The following DHCR7 variants were observed in gnomAD, a reference collection of about 807,000 sequenced individuals.
DHCR7 encodes the protein 7-DHC reductase.
Under a neutral mutation model 43.3 loss-of-function variants are expected in DHCR7, and 40 were observed. That is an observed-to-expected ratio of 0.92 (90% CI 0.72 to 1.20). The LOEUF is 1.20. DHCR7 is among the 50% of genes most tolerant of loss of function. DHCR7 has a pLI of 0.00. For synonymous variants in DHCR7, 298 were observed against 271.4 expected (o/e 1.10, Z -0.96); for missense variants, 608 against 644.6 (o/e 0.94, Z 0.62).
At chr11:71,441,578 G>C in intron 5 of DHCR7, 138 bp from the exon 6 acceptor site, 1 of 753,336 alleles carries the variant, frequency 1.3e-6, no homozygotes, top group Non-Finnish European at 2.3e-6. Flanking sequence ...GGGGCCCCAG[G>C]AACCATCTCT....
downstream of DHCR7, among the ~76,000 whole-genome samples, chr11:71,431,090 G>A (rs1031617631): frequency 8.5e-5 from 13 of 152,234 alleles, no homozygotes; most frequent in African/African-American, 3.1e-4. Flanking sequence ...GGGAGGCGGA[G>A]GTTGCAGTGA....
intron 4 of DHCR7, among the ~76,000 whole-genome samples, chr11:71,442,618 T>C (rs1334209843): frequency 6.6e-6 from 1 of 152,140 alleles, no homozygotes; most frequent in Admixed American, 6.5e-5. Context: ...GTCACCTTTT[T>C]AAAATGGAGA....
rs1468426794 is a variant in DHCR7, at chr11:71,435,818, G to A, written c.985C>T (p.Pro329Ser). 2 of 1,604,382 alleles carry A rather than the reference G, an allele frequency of 1.2e-6. No homozygotes were observed. The highest frequency in any genetic ancestry group is 1.7e-6 in the Non-Finnish European group (2 of 1,174,730). ...TLQGLYLVYH[P>S]VQLSTPHAVG... ...GCGTGCGGGGTGGACAGCTGCACGGGGTGGTACACCAAGTACAGACCCTGG... is the reference window on the plus strand; with the variant it reads ...GCGTGCGGGGTGGACAGCTGCACGGAGTGGTACACCAAGTACAGACCCTGG... The change falls in exon 9 of 9, where the codon CCC becomes TCC. Residue 329 changes from proline to serine, a missense_variant. Transcript: ENST00000355527.
Position 71,434,893 on chromosome 11 carries a change from ACG to A in DHCR7, c.*480_*481del. 2.8e-6 allele frequency: 1 copy of A among 356,394 alleles called. No individual in the cohort carries two copies. The highest frequency in any genetic ancestry group is 7.4e-5 in the East Asian group (1 of 13,448). The allele number at this position is 356,394 out of a possible 1,614,324, so 22.1% of individuals were successfully genotyped here. A position where few individuals can be genotyped will look rare whatever the true frequency, so the allele number is the denominator to read the frequency against. ...GAGAAACGGCGCACGGGCCCCACCCACGACTGCAGAGCAGGCAGGGGAGGGGG... is the reference window on the plus strand; with the variant it reads ...GAGAAACGGCGCACGGGCCCCACCCAACTGCAGAGCAGGCAGGGGAGGGGG... On this transcript the variant is annotated 3_prime_UTR_variant, in exon 9 of 9. Coordinates refer to ENST00000355527, the MANE Select transcript of DHCR7 (RefSeq NM_001360.3).
intron 7 of DHCR7, 50 bp downstream of exon 7, chr11:71,438,829 C>T: frequency 6.3e-7 from 1 of 1,596,508 alleles, no homozygotes; most frequent in Non-Finnish European, 8.6e-7. Context: ...GCGGGTTCCC[C>T]CAGAGCCTGC....
intron 2 of DHCR7, among the ~76,000 whole-genome samples, chr11:71,445,576 T>G (rs974797821): frequency 1.3e-5 from 2 of 152,212 alleles, no homozygotes; most frequent in East Asian, 3.8e-4. Context: ...CACTAGAATG[T>G]AAGCTTCCCA....
In DHCR7 at chr11:71,438,916, T is replaced by C. The variant is rs1042442188; in HGVS notation, c.794A>G (p.His265Arg). ...FAAKQRELHSHVTNAMVLVNV... is the reference protein window; with the variant it reads ...FAAKQRELHSRVTNAMVLVNV... The stretch of plus-strand genomic sequence containing the variant: ...GACCAGGACCATGGCATTGGTCACA[T>C]GGCTGTGGAGCTCCCGCTGCTTCGC... Residue 265 changes from histidine to arginine, a missense_variant, in exon 7 of 9, where the codon CAT (histidine) becomes CGT (arginine). Transcript: ENST00000355527. 1.2e-6 allele frequency: 2 copies of C among 1,613,834 alleles called. No individual in the cohort carries two copies. Among genetic ancestry groups the C allele is most frequent in the African/African-American group, 1.3e-5 (1 of 74,936 alleles).
intron 8 of DHCR7, 134 bp downstream of exon 8, chr11:71,437,678 T>A: frequency 7.5e-7 from 1 of 1,335,372 alleles, no homozygotes; most frequent in Non-Finnish European, 1.0e-6. Context: ...AGCTGGCTAA[T>A]ACACGAGGCC....
At chr11:71,437,206 C>T (rs553938959) in intron 8 of DHCR7, among the ~76,000 whole-genome samples, 4 of 152,228 alleles carry the variant, frequency 2.6e-5, no homozygotes, top group Non-Finnish European at 2.9e-5. Flanking sequence ...AGCCTCTCCA[C>T]GTTGGTTCTC....
chr11:71,433,491 A>G (rs1949241099), downstream of DHCR7, among the ~76,000 whole-genome samples: 2 of 152,246 alleles, frequency 1.3e-5, no homozygotes, highest in African/African-American at 4.8e-5. Context: ...GCCAATTCAG[A>G]GGCAGGTCCA....
In DHCR7 at chr11:71,439,064, A is replaced by C. The variant is rs1366802542; in HGVS notation, c.646T>G (p.Phe216Val). 6.2e-7 allele frequency: 1 copy of C among 1,614,066 alleles called. No homozygotes were observed. Among genetic ancestry groups the C allele is most frequent in the Admixed American group, 1.7e-5 (1 of 60,034 alleles). The part of the protein sequence containing the change: ...ARDCKFTGNF[F>V]YNYMMGIEFN... The stretch of plus-strand genomic sequence containing the variant: ...TCGATGCCCATCATGTAGTTGTAAA[A>C]GAAATTGCCTGTGAATTTGCTTAAA... The change falls in exon 7 of 9, where the codon TTT (phenylalanine) becomes GTT (valine). Residue 216 changes from phenylalanine (F) to valine (V), a missense_variant. Transcript: ENST00000355527.
chr11:71,446,447 G>A (rs1322221107), intron 2 of DHCR7, among the ~76,000 whole-genome samples: 1 of 152,094 alleles, frequency 6.6e-6, no homozygotes, highest in African/African-American at 2.4e-5. Context: ...TGCACAGAAG[G>A]GAATTTGCAA....
At chr11:71,432,399 T>C (rs187179745), downstream of DHCR7, among the ~76,000 whole-genome samples, 133 of 152,348 alleles carry the variant, frequency 8.7e-4, 1 homozygote, top group African/African-American at 3.0e-3. Context: ...AGATCTTCAT[T>C]GGTCATTTAT....
At chr11:71,438,660 G>C in intron 7 of DHCR7, 1 of 621,570 alleles carries the variant, frequency 1.6e-6, no homozygotes, top group South Asian at 1.8e-5. Flanking sequence ...TGGCTGCGTA[G>C]AACCTGCCTC....
At chr11:71,430,433 AG>A, downstream of DHCR7, among the ~76,000 whole-genome samples, 1 of 152,178 alleles carries the variant, frequency 6.6e-6, no homozygotes, top group Non-Finnish European at 1.5e-5. Flanking sequence ...CACCCAGGTG[AG>A]GGTGCCTGTG....
downstream of DHCR7, among the ~76,000 whole-genome samples, chr11:71,427,604 A>G (rs905344811): frequency 6.6e-6 from 1 of 152,198 alleles, no homozygotes; most frequent in African/African-American, 2.4e-5. Flanking sequence ...GACCACTCTC[A>G]GGTCTGATGA....
exon 3 of DHCR7, chr11:71,428,368 T>C (rs1949211139): frequency 6.6e-6 from 1 of 152,646 alleles, no homozygotes; most frequent in African/African-American, 2.4e-5. Context: ...ATCTATTTCA[T>C]ATAATAAAGT....
In DHCR7 at chr11:71,435,536, C is replaced by T. The variant is rs902179640; in HGVS notation, c.1267G>A (p.Gly423Ser). Residue 423 changes from glycine to serine, a missense_variant, in exon 9 of 9, where the codon GGC becomes AGC. Physicochemically the swap from Gly to Ser is moderately conservative, Grantham distance 56. Transcript: ENST00000355527. ...MGSLAYCLACGGGHLLPYFYI... is the reference protein window; with the variant it reads ...MGSLAYCLACSGGHLLPYFYI... ...AAGTAGGGCAGCAGGTGGCCGCCGCCACAGGCCAGGCAGTAGGCCAGGCTG... is the reference window on the plus strand; with the variant it reads ...AAGTAGGGCAGCAGGTGGCCGCCGCTACAGGCCAGGCAGTAGGCCAGGCTG... 4.3e-6 allele frequency: 7 copies of T among 1,611,122 alleles called. No homozygotes were observed. In the African/African-American group the frequency reaches 8.0e-5, roughly 18 times the overall value.
chr11:71,434,193 A>G (rs1949246244), downstream of DHCR7, among the ~76,000 whole-genome samples: 3 of 152,172 alleles, frequency 2.0e-5, no homozygotes, highest in Non-Finnish European at 4.4e-5. Flanking sequence ...TCCACATTCA[A>G]CCCAAAAACA....
Sources: gnomAD v4.1 joint callset for allele counts (sites outside exome capture counted in the v4.1 genomes callset) on GRCh38, gnomAD v4.1.1 for gene constraint, MANE v1.5 for transcripts, NCBI Gene and HGNC (gene_info 2026-07-23, HGNC 2026-07-21) for gene names.